The following BTG4 variants were observed in gnomAD, a reference collection of about 807,000 sequenced individuals.
BTG4 encodes protein BTG4.
A neutral mutation model predicts 19.3 loss-of-function variants in BTG4; 10 were observed. That is an observed-to-expected ratio of 0.52 (90% CI 0.32 to 0.88). The LOEUF is 0.88. Ranked by LOEUF, BTG4 falls within the 40% of genes least tolerant of loss-of-function variation. BTG4 has a pLI of 0.04. For missense variants in BTG4, 238 were observed against 281.9 expected, an observed-to-expected ratio of 0.84 and a Z score of 1.11; for synonymous variants, 91 against 95.7, an observed-to-expected ratio of 0.95 and a Z score of 0.29.
At chr11:111,501,001 T>G (rs1416423944) in intron 1 of BTG4, among the ~76,000 whole-genome samples, 1 of 152,072 alleles carries the variant, frequency 6.6e-6, no homozygotes, top group Admixed American at 6.6e-5. Context: ...AACTTAATTT[T>G]CTGCCTGTGA....
At chr11:111,391,137 T>C in the BTG4 span, among the ~76,000 whole-genome samples, 26 of 152,326 alleles carry the variant, frequency 1.7e-4, no homozygotes, top group African/African-American at 6.3e-4. Context: ...GACAACCATA[T>C]AGACATCAGT....
the BTG4 span, chr11:111,455,995 T>TAGAAGAGGG: frequency 3.1e-6 from 1 of 327,490 alleles, no homozygotes; most frequent in Admixed American, 3.4e-5. Flanking sequence ...GGAGGAGAGG[T>TAGAAGAGGG]AGAAGAGGGC....
At chr11:111,455,262 G>A in the BTG4 span, 12 of 351,272 alleles carry the variant, frequency 3.4e-5, no homozygotes, top group Non-Finnish European at 2.9e-5. Context: ...CCCCTTTGCC[G>A]CTGCTGCCAT....
chr11:111,421,355 C>T, the BTG4 span, among the ~76,000 whole-genome samples: 1 of 152,198 alleles, frequency 6.6e-6, no homozygotes, highest in East Asian at 1.9e-4. Flanking sequence ...GGCTTTGTGT[C>T]TGAGTTCATC....
chr11:111,397,195 C>G, the BTG4 span, among the ~76,000 whole-genome samples: 3 of 152,314 alleles, frequency 2.0e-5, 1 homozygote, highest in Admixed American at 6.5e-5. Context: ...CCCCAATCCA[C>G]TTTCCAAATG....
At chr11:111,432,985 C>G in the BTG4 span, among the ~76,000 whole-genome samples, 3 of 152,072 alleles carry the variant, frequency 2.0e-5, no homozygotes, top group Non-Finnish European at 4.4e-5. Flanking sequence ...AGCCACCATG[C>G]CTGGCCTCAA....
chr11:111,426,533 C>A, the BTG4 span, among the ~76,000 whole-genome samples: 1 of 152,146 alleles, frequency 6.6e-6, no homozygotes, highest in Non-Finnish European at 1.5e-5. Context: ...GTGTTTCAAT[C>A]TGTAGTGTTC....
At chr11:111,428,194 T>C in the BTG4 span, among the ~76,000 whole-genome samples, 3 of 152,088 alleles carry the variant, frequency 2.0e-5, no homozygotes, top group Admixed American at 1.3e-4. Flanking sequence ...TGGTAGAGTA[T>C]AGAATGGAAA....
chr11:111,436,482 T>C, the BTG4 span, among the ~76,000 whole-genome samples: 1 of 151,984 alleles, frequency 6.6e-6, no homozygotes, highest in African/African-American at 2.4e-5. Flanking sequence ...AAAAATTAGC[T>C]GGGCGTGGTA....
At chr11:111,496,180 GTATTA>G (rs1369965623) in intron 4 of BTG4, among the ~76,000 whole-genome samples, 16 of 152,108 alleles carry the variant, frequency 1.1e-4, no homozygotes, top group Non-Finnish European at 2.2e-4. Flanking sequence ...CACTAATACT[GTATTA>G]TATATGCATA....
At chr11:111,451,192 C>T in the BTG4 span, 1 of 289,478 alleles carries the variant, frequency 3.5e-6, no homozygotes, top group Admixed American at 3.8e-5. Flanking sequence ...GGAAATGCCC[C>T]TGCATCAGCC....
chr11:111,404,815 G>A, the BTG4 span: 14 of 364,712 alleles, frequency 3.8e-5, no homozygotes, highest in Non-Finnish European at 7.0e-5. Flanking sequence ...ACAATTAGCA[G>A]CATGTTCCCT....
At chr11:111,399,453 T>C in the BTG4 span, among the ~76,000 whole-genome samples, 2 of 152,220 alleles carry the variant, frequency 1.3e-5, no homozygotes, top group Non-Finnish European at 2.9e-5. Context: ...CTTCATTCAT[T>C]TCATGGGGAG....
chr11:111,444,292 G>A, the BTG4 span, among the ~76,000 whole-genome samples: 5 of 144,454 alleles, frequency 3.5e-5, no homozygotes, highest in African/African-American at 1.3e-4. Flanking sequence ...GAAGGGGAGG[G>A]GAAGGCAGGG....
At chr11:111,432,475 C>T in the BTG4 span, among the ~76,000 whole-genome samples, 1 of 152,106 alleles carries the variant, frequency 6.6e-6, no homozygotes, top group Non-Finnish European at 1.5e-5. Flanking sequence ...GAAACCCCAT[C>T]TCTACTAAAA....
the BTG4 span, chr11:111,454,831 T>TTGGGGGTTGGGGGG: frequency 2.9e-6 from 1 of 342,372 alleles, no homozygotes; most frequent in Non-Finnish European, 5.8e-6. Flanking sequence ...GGGTTGGGGG[T>TTGGGGGTTGGGGGG]TGGGGGTTGG....
At chr11:111,494,351 G>T (rs11213929), downstream of BTG4, among the ~76,000 whole-genome samples, 9,895 of 152,214 alleles carry the variant, frequency 0.065, 517 homozygotes, top group African/African-American at 0.14. Context: ...CAACAAGGTT[G>T]TGGGAATTTT....
At chr11:111,458,971 G>T in the BTG4 span, among the ~76,000 whole-genome samples, 49 of 152,318 alleles carry the variant, frequency 3.2e-4, no homozygotes, top group South Asian at 2.9e-3. Flanking sequence ...GCCGGGCACG[G>T]TGGCTCACGC....
chr11:111,439,865 T>C, the BTG4 span, among the ~76,000 whole-genome samples: 1 of 152,166 alleles, frequency 6.6e-6, no homozygotes, highest in Non-Finnish European at 1.5e-5. Flanking sequence ...CCTCCATCTC[T>C]CATATTGATG....
Sources: gnomAD v4.1 joint callset for allele counts (sites outside exome capture counted in the v4.1 genomes callset) on GRCh38, gnomAD v4.1.1 for gene constraint, MANE v1.5 for transcripts, NCBI Gene and HGNC (gene_info 2026-07-23, HGNC 2026-07-21) for gene names.